Variants in FAF1 observed in about 807,000 individuals in gnomAD.
The protein encoded by FAF1 is Fas associated factor 1.
Under a neutral mutation model 92.5 loss-of-function variants are expected in FAF1, and 25 were observed. The observed-to-expected ratio is 0.27, with a 90% CI of 0.20 to 0.38. The LOEUF (loss-of-function observed/expected upper bound fraction) is 0.38. Among genes scored for constraint, FAF1 ranks in the 10% least tolerant of loss-of-function variants. The pLI is 1.00. For missense variants in FAF1, 636 were observed against 793.3 expected (o/e 0.80, Z 2.38); for synonymous variants, 234 against 273.2 (o/e 0.86, Z 1.42).
At chr1:50,591,781 C>T (rs1372413192) in intron 9 of FAF1, among the ~76,000 whole-genome samples, 1 of 152,002 alleles carries the variant, frequency 6.6e-6, no homozygotes, top group East Asian at 1.9e-4. Context: ...CTTCCTTTTC[C>T]CCCGACTTTC....
chr1:50,666,149 G>A (rs993156019), intron 7 of FAF1, among the ~76,000 whole-genome samples: 1 of 151,274 alleles, frequency 6.6e-6, no homozygotes, highest in Admixed American at 6.6e-5. Flanking sequence ...AAAAAGACCA[G>A]GTGATCTGCC....
rs1295555338 is a variant in FAF1 at position 50,567,171 on chromosome 1, A to G, written c.1174T>C (p.Ser392Pro). The G allele has an allele frequency of 6.2e-7, 1 of 1,610,798 alleles. No homozygotes were observed. The highest frequency in any genetic ancestry group is 8.5e-7 in the Non-Finnish European group (1 of 1,177,722). Residue 392 changes from serine (S) to proline (P), a missense_variant, in exon 13 of 19, where the codon TCA becomes CCA. This residue lies in a region of FAF1 where 319 missense variants were observed against 451.0 expected (regional missense o/e 0.71). Coordinates refer to ENST00000396153, the MANE Select transcript of FAF1 (RefSeq NM_007051.3). ...DESVLTNVFC[S>P]QMLCAESIVS... ...ATGGATTCAGCACAAAGCATTTGTG[A>G]GCAGAACACGTTGGTTAACACACTT...
In FAF1 at chr1:50,437,528, G is replaced by C. The variant is rs1206646252; in HGVS notation, c.*3912C>G. Reference sequence around the variant, plus strand: ...GCCTCAACAGTAGCTGGGACTACAGGCAAGTACCAGCATGCCTGGCTAATG... The same window carrying C: ...GCCTCAACAGTAGCTGGGACTACAGCCAAGTACCAGCATGCCTGGCTAATG... On this transcript the variant is annotated 3_prime_UTR_variant, in exon 19 of 19. Coordinates refer to ENST00000396153, the MANE Select transcript of FAF1 (RefSeq NM_007051.3). 6.6e-6 allele frequency: 1 copy of C among 152,020 alleles called. No homozygotes were observed. Among genetic ancestry groups the C allele is most frequent in the Non-Finnish European group, 1.5e-5 (1 of 68,042 alleles). The allele number at this position is 152,020 out of a possible 1,614,324, so 9.4% of individuals were successfully genotyped here. A position where few individuals can be genotyped will look rare whatever the true frequency, so the allele number is the denominator to read the frequency against.
At chr1:50,478,991 C>G (rs1646670054) in intron 17 of FAF1, among the ~76,000 whole-genome samples, 1 of 152,166 alleles carries the variant, frequency 6.6e-6, no homozygotes, top group African/African-American at 2.4e-5. Context: ...CAGAAGCATA[C>G]CCTTTCCTGG....
chr1:50,706,304 A>G (rs943739411), intron 6 of FAF1, among the ~76,000 whole-genome samples: 2 of 152,158 alleles, frequency 1.3e-5, no homozygotes, highest in African/African-American at 4.8e-5. Flanking sequence ...GTATGAAACT[A>G]TTATTTATAT....
chr1:50,555,647 C>CTTA (rs1649540127), intron 13 of FAF1, among the ~76,000 whole-genome samples: 1 of 152,098 alleles, frequency 6.6e-6, no homozygotes, highest in Non-Finnish European at 1.5e-5. Context: ...AAAAGGAACT[C>CTTA]TTATACACTG....
chr1:50,836,911 C>G (rs1401644683), intron 2 of FAF1, among the ~76,000 whole-genome samples: 1 of 150,330 alleles, frequency 6.7e-6, no homozygotes, highest in African/African-American at 2.4e-5. Flanking sequence ...TGAATTCTTC[C>G]AACTCTTCCA....
chr1:50,496,932 T>C (rs1156373264), intron 15 of FAF1, among the ~76,000 whole-genome samples: 1 of 151,624 alleles, frequency 6.6e-6, no homozygotes, highest in Non-Finnish European at 1.5e-5. Context: ...TTTTGCAGCC[T>C]AATGTAAGTG....
At chr1:50,836,189 T>A (rs1365590848) in intron 2 of FAF1, among the ~76,000 whole-genome samples, 12 of 146,896 alleles carry the variant, frequency 8.2e-5, no homozygotes, top group East Asian at 7.8e-4. Flanking sequence ...TTTTTTTTTT[T>A]AGACAGGGTC....
At chr1:50,453,426 G>C (rs1007284419) in intron 18 of FAF1, among the ~76,000 whole-genome samples, 1 of 152,222 alleles carries the variant, frequency 6.6e-6, no homozygotes, top group African/African-American at 2.4e-5. Flanking sequence ...ACATACAAAA[G>C]ACTTGCCGGT....
At chr1:50,801,814 A>C in intron 2 of FAF1, 137 bp from the exon 3 acceptor site, 1 of 566,412 alleles carries the variant, frequency 1.8e-6, no homozygotes. Flanking sequence ...GTGATGCAAA[A>C]TGTTGTCTAT....
chr1:50,495,931 C>G (rs911367676), intron 15 of FAF1, among the ~76,000 whole-genome samples: 5 of 152,062 alleles, frequency 3.3e-5, no homozygotes, highest in Non-Finnish European at 7.4e-5. Flanking sequence ...CAGCATAGTC[C>G]TCTATCTCCG....
intron 2 of FAF1, among the ~76,000 whole-genome samples, chr1:50,847,851 G>A (rs889246435): frequency 1.3e-5 from 2 of 151,834 alleles, no homozygotes; most frequent in African/African-American, 4.8e-5. Flanking sequence ...ACCCAAGGCT[G>A]TAAGGCTTTA....
intron 7 of FAF1, among the ~76,000 whole-genome samples, chr1:50,669,798 A>C (rs1474504483): frequency 1.3e-5 from 2 of 152,224 alleles, no homozygotes; most frequent in African/African-American, 4.8e-5. Context: ...TGAGCACTTG[A>C]AATGTAGCTT....
chr1:50,700,309 T>C (rs1339988107), intron 7 of FAF1, among the ~76,000 whole-genome samples: 1 of 151,950 alleles, frequency 6.6e-6, no homozygotes, highest in East Asian at 1.9e-4. Flanking sequence ...GAGGTTCTTT[T>C]CCCCCCTCTC....
intron 13 of FAF1, among the ~76,000 whole-genome samples, chr1:50,559,489 A>G (rs1179908031): frequency 6.6e-6 from 1 of 152,184 alleles, no homozygotes; most frequent in East Asian, 1.9e-4. Flanking sequence ...TACTGAGCCC[A>G]TTTTGAAACC....
chr1:50,652,792 A>C (rs1654925049), intron 8 of FAF1, among the ~76,000 whole-genome samples: 1 of 152,154 alleles, frequency 6.6e-6, no homozygotes, highest in African/African-American at 2.4e-5. Flanking sequence ...AAACCAGCCA[A>C]TTCTTGCCTG....
chr1:50,788,186 T>G lies in FAF1; in HGVS notation c.181A>C (p.Ile61Leu), dbSNP rs1312590100. 2.5e-6 allele frequency: 4 copies of G among 1,613,740 alleles called. No homozygotes were observed. Among genetic ancestry groups the G allele is most frequent in the Admixed American group, 3.3e-5 (2 of 60,000 alleles). ...ILQSEYGGETIPGPAFNPASH... is the reference protein window; with the variant it reads ...ILQSEYGGETLPGPAFNPASH... ...GCTGGATTAAATGCAGGTCCTGGTA[T>G]GGTCTCACCTCCATATTCACTAAAA... The change falls in exon 4 of 19, where the codon ATA becomes CTA. Residue 61 changes from isoleucine (I) to leucine (L), a missense_variant. Physicochemically the swap from Ile to Leu is conservative, Grantham distance 5. This residue lies in a region of FAF1 where 317 missense variants were observed against 342.4 expected (regional missense o/e 0.93). Coordinates refer to ENST00000396153, the MANE Select transcript of FAF1 (RefSeq NM_007051.3).
intron 1 of FAF1, among the ~76,000 whole-genome samples, chr1:50,887,539 T>A (rs1157867573): frequency 6.6e-6 from 1 of 152,224 alleles, no homozygotes; most frequent in Non-Finnish European, 1.5e-5. Flanking sequence ...AATCCATCTT[T>A]GAATTAATTT....
Sources: allele counts gnomAD v4.1 joint callset (sites outside exome capture counted in the v4.1 genomes callset), GRCh38; gene constraint gnomAD v4.1.1; regional missense constraint gnomAD v4.1.1; transcripts MANE v1.5; gene names NCBI Gene and HGNC (gene_info 2026-07-23, HGNC 2026-07-21).